CENPP: variants seen among roughly 807,000 people sequenced by gnomAD.
CENPP encodes the protein centromere protein P.
In CENPP, 24 loss-of-function variants were observed where a neutral mutation model predicts 35.6. The observed-to-expected ratio is 0.67, with a 90% confidence interval of 0.49 to 0.95. The LOEUF (loss-of-function observed/expected upper bound fraction) is 0.95. Among genes scored for constraint, CENPP ranks in the 40% least tolerant of loss-of-function variants. CENPP has a pLI of 0.00. For missense variants in CENPP, 332 were observed against 345.3 expected (o/e 0.96, Z 0.31); for synonymous variants, 120 against 125.5 (o/e 0.96, Z 0.29).
chr9:92,341,199 C>A (rs1841106470), intron 3 of CENPP, among the ~76,000 whole-genome samples: 1 of 152,160 alleles, frequency 6.6e-6, no homozygotes, highest in Non-Finnish European at 1.5e-5. Flanking sequence ...GATCTCAAAA[C>A]CCTGTCTCCT....
intron 5 of CENPP, among the ~76,000 whole-genome samples, chr9:92,461,599 G>A (rs1845113610): frequency 6.6e-6 from 1 of 152,078 alleles, no homozygotes; most frequent in African/African-American, 2.4e-5. Flanking sequence ...CCTATGCCCT[G>A]GTAGTCAGAT....
intron 5 of CENPP, among the ~76,000 whole-genome samples, chr9:92,533,328 A>AATATATATATAT (rs202147064): frequency 9.7e-4 from 37 of 38,312 alleles, no homozygotes; most frequent in East Asian, 2.2e-3. Context: ...AAAAAAAAAA[A>AATATATATATAT]ATATATATAT....
intron 4 of CENPP, among the ~76,000 whole-genome samples, chr9:92,361,514 C>G (rs1316603829): frequency 6.8e-6 from 1 of 147,056 alleles, no homozygotes; most frequent in Non-Finnish European, 1.5e-5. Context: ...GAGTCTTGCT[C>G]TGTCACCCAG....
intron 5 of CENPP, chr9:92,403,348 T>C (rs1305230835): frequency 1.1e-5 from 18 of 1,613,480 alleles, no homozygotes; most frequent in African/African-American, 2.7e-5. Context: ...GGGTTGGTGG[T>C]GCTGGCTTTA....
intron 4 of CENPP, among the ~76,000 whole-genome samples, chr9:92,351,587 A>G (rs1461437981): frequency 6.6e-6 from 1 of 152,026 alleles, no homozygotes; most frequent in Non-Finnish European, 1.5e-5. Context: ...GATTAATACT[A>G]TCTAAGTATT....
In CENPP at chr9:92,485,565, G is replaced by A. The variant is rs137888288; in HGVS notation, c.564+105706G>A. Among the ~76,000 whole-genome samples, 688 of 152,262 alleles carry A rather than the reference G, an allele frequency of 4.5e-3. 4 individuals are homozygous for A. The highest frequency in any genetic ancestry group is 0.014 in the African/African-American group (590 of 41,548). The stretch of plus-strand genomic sequence containing the variant: ...AATAAATTGCCTAATCTAAGCTCTC[G>A]TATGATTTCTCACACCCTTTCTAGA... On this transcript the variant is annotated intron_variant, in intron 5 of 7. Transcript: ENST00000375587.
At chr9:92,378,517 T>C (rs1303385642) in intron 4 of CENPP, among the ~76,000 whole-genome samples, 1 of 152,214 alleles carries the variant, frequency 6.6e-6, no homozygotes, top group African/African-American at 2.4e-5. Flanking sequence ...CCTGTCCTGC[T>C]TTCTTCATTC....
At chr9:92,326,310 G>A (rs549068325) in intron 1 of CENPP, among the ~76,000 whole-genome samples, 1 of 152,352 alleles carries the variant, frequency 6.6e-6, no homozygotes, top group South Asian at 2.1e-4. Context: ...GTATTAACTC[G>A]TTTAATCGCA....
chr9:92,598,430 A>G (rs1850832096), intron 5 of CENPP, among the ~76,000 whole-genome samples: 1 of 152,218 alleles, frequency 6.6e-6, no homozygotes, highest in African/African-American at 2.4e-5. Flanking sequence ...TATCGGGAGT[A>G]GTGGGAATCT....
At chr9:92,341,045 A>G (rs1450799187) in intron 3 of CENPP, among the ~76,000 whole-genome samples, 4 of 152,096 alleles carry the variant, frequency 2.6e-5, no homozygotes, top group Non-Finnish European at 5.9e-5. Context: ...GCCTGGAGGT[A>G]TAGGATTATA....
Position 92,546,075 on chromosome 9 carries a change from G to T in CENPP, c.565-65239G>T, listed in dbSNP as rs1174224437. Among the ~76,000 whole-genome samples the T allele has an allele frequency of 2.0e-5, 3 of 152,002 alleles. 1 individual carries two copies. The East Asian group carries it at 5.8e-4, about 29-fold the overall frequency. ...TTGCAAATGCACCAATCAGCACCCTGTGTCTAGCTCAGGGTTTGTGAATGC... is the reference window on the plus strand; with the variant it reads ...TTGCAAATGCACCAATCAGCACCCTTTGTCTAGCTCAGGGTTTGTGAATGC... On this transcript the variant is annotated intron_variant, in intron 5 of 7. Coordinates refer to ENST00000375587, the MANE Select transcript of CENPP (RefSeq NM_001012267.3).
chr9:92,541,378 C>T (rs1849313781), intron 5 of CENPP, among the ~76,000 whole-genome samples: 1 of 151,688 alleles, frequency 6.6e-6, no homozygotes, highest in Admixed American at 6.6e-5. Flanking sequence ...CTGGTAACCA[C>T]TATTCTACTG....
At chr9:92,410,860 A>G (rs2130947215) in intron 5 of CENPP, among the ~76,000 whole-genome samples, 1 of 152,352 alleles carries the variant, frequency 6.6e-6, no homozygotes. Context: ...CCATATGGAA[A>G]CCATCTTTTT....
intron 5 of CENPP, among the ~76,000 whole-genome samples, chr9:92,450,609 T>C (rs1290084536): frequency 6.6e-6 from 1 of 152,116 alleles, no homozygotes; most frequent in Non-Finnish European, 1.5e-5. Flanking sequence ...GGGTATATAC[T>C]CAGTAATGGG....
chr9:92,599,563 CCCA>C (rs1464602798), intron 5 of CENPP, among the ~76,000 whole-genome samples: 4 of 152,108 alleles, frequency 2.6e-5, no homozygotes, highest in African/African-American at 7.2e-5. Context: ...ACTACAGGCT[CCCA>C]CCACCACGCC....
intron 5 of CENPP, among the ~76,000 whole-genome samples, chr9:92,416,007 TAA>T (rs1028751511): frequency 3.4e-5 from 5 of 145,452 alleles, no homozygotes; most frequent in Admixed American, 2.8e-4. Context: ...GTTATATATA[TAA>T]AAGAGAATAT....
At chr9:92,553,447 A>G (rs760576724) in intron 5 of CENPP, among the ~76,000 whole-genome samples, 2 of 152,002 alleles carry the variant, frequency 1.3e-5, no homozygotes, top group Non-Finnish European at 2.9e-5. Flanking sequence ...GTGAAAAAGG[A>G]TGGTGGTATT....
chr9:92,499,147 C>T (rs992276171), intron 5 of CENPP, among the ~76,000 whole-genome samples: 12 of 152,146 alleles, frequency 7.9e-5, no homozygotes, highest in South Asian at 4.1e-4. Flanking sequence ...GTTTGAATGG[C>T]GACCATTGTC....
At chr9:92,544,746 G>A (rs1398322780) in intron 5 of CENPP, among the ~76,000 whole-genome samples, 5 of 137,424 alleles carry the variant, frequency 3.6e-5, no homozygotes, top group Admixed American at 8.2e-5. Flanking sequence ...TTGGAGTTTC[G>A]CTGTTGTTGC....
Sources: allele counts gnomAD v4.1 joint callset (sites outside exome capture counted in the v4.1 genomes callset), GRCh38; gene constraint gnomAD v4.1.1; transcripts MANE v1.5; gene names NCBI Gene and HGNC (gene_info 2026-07-23, HGNC 2026-07-21).